The following CHN1 variants were observed in gnomAD, a reference collection of about 807,000 sequenced individuals.
The protein encoded by CHN1 is chimerin 1.
CHN1 carries 37 observed loss-of-function variants against 59.5 expected under a neutral mutation model. The ratio of observed to expected loss-of-function variants is 0.62; its 90% CI spans 0.48 to 0.82. The LOEUF is 0.82. CHN1 is among the 40% of genes least tolerant of loss of function. CHN1 has a pLI of 0.00. For synonymous variants in CHN1, 206 were observed against 200.4 expected (o/e 1.03, Z -0.24); for missense variants, 469 against 571.0 (o/e 0.82, Z 1.82).
intron 7 of CHN1, among the ~76,000 whole-genome samples, chr2:174,845,346 T>G (rs1294337111): frequency 6.6e-6 from 1 of 152,180 alleles, no homozygotes; most frequent in Non-Finnish European, 1.5e-5. Context: ...AAAGACTTCT[T>G]TTTTGACATA....
chr2:174,956,273 A>C (rs1034449933), intron 1 of CHN1, among the ~76,000 whole-genome samples: 2 of 152,200 alleles, frequency 1.3e-5, no homozygotes, highest in Non-Finnish European at 2.9e-5. Flanking sequence ...AGGAAAGATA[A>C]AGACTTTCTC....
intron 10 of CHN1, among the ~76,000 whole-genome samples, 175 bp from the exon 11 acceptor site, chr2:174,809,217 C>T (rs1352576893): frequency 6.6e-6 from 1 of 152,182 alleles, no homozygotes; most frequent in Non-Finnish European, 1.5e-5. Flanking sequence ...GAAAGAGCCT[C>T]TTCTGATCTC....
intron 5 of CHN1, among the ~76,000 whole-genome samples, chr2:174,883,287 A>G (rs999022614): frequency 1.3e-5 from 2 of 152,210 alleles, no homozygotes; most frequent in African/African-American, 4.8e-5. Context: ...TCTAGGCAGG[A>G]TAAAACAGGG....
intron 1 of CHN1, among the ~76,000 whole-genome samples, chr2:174,992,803 A>T (rs1405259963): frequency 1.4e-5 from 2 of 146,686 alleles, no homozygotes; most frequent in Non-Finnish European, 3.0e-5. Flanking sequence ...ATATCTAATC[A>T]CTTTTTTTTT....
At chr2:174,877,325 A>G (rs537853290) in intron 6 of CHN1, among the ~76,000 whole-genome samples, 3 of 152,310 alleles carry the variant, frequency 2.0e-5, no homozygotes, top group South Asian at 2.1e-4. Context: ...GATTATAAAG[A>G]GATAAATCCT....
chr2:174,921,740 C>T (rs1326972396), intron 3 of CHN1, among the ~76,000 whole-genome samples: 3 of 152,010 alleles, frequency 2.0e-5, no homozygotes, highest in Non-Finnish European at 4.4e-5. Flanking sequence ...AGGAGAAGTG[C>T]CAAGCAAAAG....
intron 11 of CHN1, chr2:174,802,037 G>C (rs1684740018): frequency 7.6e-6 from 3 of 395,276 alleles, no homozygotes; most frequent in South Asian, 7.3e-5. Flanking sequence ...TTTGGGGATG[G>C]AGGGAACATC....
At chr2:174,889,523 A>G (rs1687986107) in intron 5 of CHN1, among the ~76,000 whole-genome samples, 1 of 152,156 alleles carries the variant, frequency 6.6e-6, no homozygotes, top group African/African-American at 2.4e-5. Context: ...AAAATCAACA[A>G]AGACACAGAA....
intron 5 of CHN1, among the ~76,000 whole-genome samples, chr2:174,894,594 AT>A (rs34125457): frequency 0.47 from 71,115 of 151,872 alleles, 17,431 homozygotes; most frequent in African/African-American, 0.6. Flanking sequence ...TAGAACTATT[AT>A]TATGACCCAG....
intron 5 of CHN1, among the ~76,000 whole-genome samples, chr2:174,880,004 G>T (rs945630564): frequency 6.6e-6 from 1 of 152,098 alleles, no homozygotes; most frequent in Non-Finnish European, 1.5e-5. Context: ...TCTTTCCAAT[G>T]GACGATGCCT....
intron 1 of CHN1, among the ~76,000 whole-genome samples, chr2:174,952,583 C>T (rs1690056533): frequency 6.6e-6 from 1 of 152,084 alleles, no homozygotes; most frequent in Non-Finnish European, 1.5e-5. Flanking sequence ...CAGTCAAATT[C>T]ACCAGATTAA....
intron 3 of CHN1, among the ~76,000 whole-genome samples, chr2:174,936,708 C>T (rs1689508089): frequency 6.6e-6 from 1 of 152,092 alleles, no homozygotes; most frequent in South Asian, 2.1e-4. Flanking sequence ...TGTACCATTA[C>T]TTTATGGGTG....
At chr2:174,845,491 T>TG (rs1686476749) in intron 7 of CHN1, among the ~76,000 whole-genome samples, 1 of 152,098 alleles carries the variant, frequency 6.6e-6, no homozygotes, top group Admixed American at 6.6e-5. Context: ...AAATGAAAGA[T>TG]GTAGTGAATG....
At chr2:174,925,186 T>C (rs1241499644) in intron 3 of CHN1, among the ~76,000 whole-genome samples, 1 of 152,192 alleles carries the variant, frequency 6.6e-6, no homozygotes. Context: ...TTCCTAGCCA[T>C]GATGGGAAGA....
At chr2:174,933,371 G>A (rs971251229) in intron 3 of CHN1, among the ~76,000 whole-genome samples, 1 of 151,998 alleles carries the variant, frequency 6.6e-6, no homozygotes, top group Non-Finnish European at 1.5e-5. Flanking sequence ...AATAGACTGT[G>A]GGGGCAAAAG....
chr2:174,977,853 A>G (rs1380996898), intron 1 of CHN1, among the ~76,000 whole-genome samples: 1 of 152,230 alleles, frequency 6.6e-6, no homozygotes, highest in Non-Finnish European at 1.5e-5. Flanking sequence ...TTAGTTCACT[A>G]AAGTTGATAT....
chr2:174,918,557 GT>G lies in CHN1; in HGVS notation c.122del (p.Asn41ThrfsTer13). Reference protein sequence around the residue: ...RRITCTCEVENRPKYYGREFH... With the variant: ...RRITCTCEVEXRPKYYGREFH... ...ACTCTCTTCCATAATACTTTGGTCT[GT>G]TTTCCACCTATTGGGAAAGCAAAAA... On this transcript the variant is annotated frameshift_variant, in exon 4 of 13. Coordinates refer to ENST00000409900, the MANE Select transcript of CHN1 (RefSeq NM_001822.7). LOFTEE classifies it high-confidence loss of function. 6.3e-7 allele frequency: 1 copy of G among 1,591,364 alleles called. No homozygotes were observed. The highest frequency in any genetic ancestry group is 8.6e-7 in the Non-Finnish European group (1 of 1,167,818).
chr2:174,891,140 C>CAAAAAAA (rs58016502), intron 5 of CHN1, among the ~76,000 whole-genome samples: 464 of 23,390 alleles, frequency 0.02, no homozygotes, highest in Non-Finnish European at 0.028. Context: ...GACTCCATCT[C>CAAAAAAA]AAAAAAAAAA....
chr2:174,873,895 C>CA (rs140483584), intron 6 of CHN1, among the ~76,000 whole-genome samples: 3,384 of 152,208 alleles, frequency 0.022, 122 homozygotes, highest in African/African-American at 0.077. Flanking sequence ...TTTAGTGTGT[C>CA]AAAGTTCCAT....
Sources: gnomAD v4.1 joint callset for allele counts (sites outside exome capture counted in the v4.1 genomes callset) on GRCh38, gnomAD v4.1.1 for gene constraint, MANE v1.5 for transcripts, NCBI Gene and HGNC (gene_info 2026-07-23, HGNC 2026-07-21) for gene names.